Variants in CALCRL observed in about 807,000 individuals in gnomAD.
CALCRL encodes calcitonin receptor like receptor, also known as calcitonin gene-related peptide type 1 receptor.
A neutral mutation model predicts 60.4 loss-of-function variants in CALCRL; 27 were observed. The observed-to-expected ratio is 0.45, with a 90% confidence interval of 0.33 to 0.62. The LOEUF is 0.62. Among genes scored for constraint, CALCRL ranks in the 20% least tolerant of loss-of-function variants. CALCRL has a pLI of 0.03. For missense variants in CALCRL, 424 were observed against 540.7 expected (o/e 0.78, Z 2.14); for synonymous variants, 190 against 182.6 (o/e 1.04, Z -0.33).
chr2:187,418,768 C>A (rs1689730126), intron 1 of CALCRL, among the ~76,000 whole-genome samples: 1 of 151,140 alleles, frequency 6.6e-6, no homozygotes, highest in South Asian at 2.1e-4. Context: ...GAGATGTGTT[C>A]TTTATCTTTA....
Position 187,385,613 on chromosome 2 carries a change from A to G in CALCRL, c.-18T>C, listed in dbSNP as rs749180296. On this transcript the variant is annotated 5_prime_UTR_variant, in exon 4 of 15. Coordinates refer to ENST00000392370, the MANE Select transcript of CALCRL (RefSeq NM_005795.6). The stretch of plus-strand genomic sequence containing the variant: ...TTCTCCATCATTAAGCCAAAATGAA[A>G]TATGCTGTATAACATAAACTGCAAC... 1 of 1,537,600 alleles carries G rather than the reference A, an allele frequency of 6.5e-7. No individual in the cohort carries two copies. Among genetic ancestry groups the G allele is most frequent in the Non-Finnish European group, 8.9e-7 (1 of 1,125,030 alleles).
intron 14 of CALCRL, among the ~76,000 whole-genome samples, chr2:187,347,644 T>TACACAC (rs1344403914): frequency 6.6e-6 from 1 of 150,444 alleles, no homozygotes; most frequent in Admixed American, 6.7e-5. Context: ...CACACACACA[T>TACACAC]ACACACACAC....
chr2:187,420,206 A>G (rs1254190853), intron 1 of CALCRL, among the ~76,000 whole-genome samples: 3 of 152,186 alleles, frequency 2.0e-5, no homozygotes, highest in Non-Finnish European at 4.4e-5. Context: ...GCCAGTGAGT[A>G]TCTTTAAAAG....
intron 12 of CALCRL, among the ~76,000 whole-genome samples, chr2:187,358,817 C>A (rs1331346373): frequency 1.3e-5 from 2 of 152,124 alleles, no homozygotes; most frequent in African/African-American, 4.8e-5. Flanking sequence ...CTCTTCAGGT[C>A]TAGCTGTGAT....
At chr2:187,433,155 G>A (rs1488821124) in intron 1 of CALCRL, among the ~76,000 whole-genome samples, 1 of 151,980 alleles carries the variant, frequency 6.6e-6, no homozygotes, top group African/African-American at 2.4e-5. Flanking sequence ...GCCTTTATTG[G>A]CATACATATG....
rs1686159825 is a variant in CALCRL, at chr2:187,343,366, G to C, written c.*2818C>G. On this transcript the variant is annotated 3_prime_UTR_variant, in exon 15 of 15. Transcript: ENST00000392370. Reference sequence around the variant, plus strand: ...ATATACTCTAGGCATAACATAAATTGTTATAATTGATCAGAATATCTTGAA... The same window carrying C: ...ATATACTCTAGGCATAACATAAATTCTTATAATTGATCAGAATATCTTGAA... 1 of 151,682 alleles carries C rather than the reference G, an allele frequency of 6.6e-6. No individual in the cohort carries two copies. 9.4% of individuals were successfully genotyped at this position (151,682 alleles called of 1,614,324 possible).
At position 187,380,798 on chromosome 2, in the gene CALCRL, A is replaced by G. The variant is rs1010488082; in HGVS notation, c.185-11T>C. The G allele has an allele frequency of 1.8e-5, 29 of 1,596,778 alleles. No homozygotes were observed. Among genetic ancestry groups the G allele is most frequent in the Non-Finnish European group, 2.3e-5 (27 of 1,165,142 alleles). ...TGTTGCAGTAAACGCCTTAGTGGGG[A>G]AATAATAATTGGGGATAATTAAATC... On this transcript the variant is annotated splice_polypyrimidine_tract_variant and intron_variant, in intron 5 of 14. Transcript: ENST00000392370.
intron 8 of CALCRL, among the ~76,000 whole-genome samples, chr2:187,371,479 C>A (rs1687516452): frequency 1.3e-5 from 2 of 151,692 alleles, no homozygotes; most frequent in Admixed American, 6.6e-5. Flanking sequence ...TGCAGTATTG[C>A]CAGGTTTTAA....
At chr2:187,418,761 A>G (rs1370171946) in intron 1 of CALCRL, among the ~76,000 whole-genome samples, 1 of 151,742 alleles carries the variant, frequency 6.6e-6, no homozygotes, top group Non-Finnish European at 1.5e-5. Flanking sequence ...AGGTTCTGAG[A>G]TGTGTTCTTT....
At chr2:187,406,500 A>G (rs1166131693) in intron 1 of CALCRL, among the ~76,000 whole-genome samples, 1 of 152,080 alleles carries the variant, frequency 6.6e-6, no homozygotes, top group African/African-American at 2.4e-5. Context: ...AGTTGCTAAG[A>G]AAAAGGGAAA....
intron 1 of CALCRL, among the ~76,000 whole-genome samples, chr2:187,447,784 T>G (rs537734763): frequency 2.6e-5 from 4 of 152,122 alleles, no homozygotes; most frequent in Non-Finnish European, 5.9e-5. Context: ...GAAATATGTC[T>G]TTTAATCCAT....
chr2:187,403,660 A>T (rs1019105327), intron 1 of CALCRL, among the ~76,000 whole-genome samples: 3 of 151,900 alleles, frequency 2.0e-5, no homozygotes, highest in Admixed American at 6.6e-5. Context: ...TGGGTACAGA[A>T]GTGAGTGCAG....
chr2:187,370,554 G>T (rs1687475555), intron 8 of CALCRL, among the ~76,000 whole-genome samples: 1 of 152,032 alleles, frequency 6.6e-6, no homozygotes, highest in African/African-American at 2.4e-5. Context: ...AAATATATCT[G>T]TAGGAATAAA....
chr2:187,392,813 C>T (rs897582138), intron 1 of CALCRL, among the ~76,000 whole-genome samples: 4 of 152,060 alleles, frequency 2.6e-5, no homozygotes, highest in African/African-American at 9.7e-5. Flanking sequence ...AAGTAATCCT[C>T]TCACTTTGGT....
rs1686185730 is a variant in CALCRL at position 187,343,994 on chromosome 2, C to A, written c.*2190G>T. The A allele has an allele frequency of 6.6e-6, 1 of 150,860 alleles. No individual in the cohort carries two copies. The highest frequency in any genetic ancestry group is 1.5e-5 in the Non-Finnish European group (1 of 67,528). 9.3% of individuals were successfully genotyped at this position (150,860 alleles called of 1,614,324 possible). A position where few individuals can be genotyped will look rare whatever the true frequency, so the allele number is the denominator to read the frequency against. On this transcript the variant is annotated 3_prime_UTR_variant, in exon 15 of 15. Coordinates refer to ENST00000392370, the MANE Select transcript of CALCRL (RefSeq NM_005795.6). ...AATTACATGTTTATTTTAATATAATCTCTGATCATTCAACATTTTTTACTG... is the reference window on the plus strand; with the variant it reads ...AATTACATGTTTATTTTAATATAATATCTGATCATTCAACATTTTTTACTG...
chr2:187,433,249 G>A (rs939463889), intron 1 of CALCRL, among the ~76,000 whole-genome samples: 7 of 152,036 alleles, frequency 4.6e-5, no homozygotes, highest in African/African-American at 1.4e-4. Flanking sequence ...GAAATACTCA[G>A]AAGCATTATT....
rs749350339 is a variant in CALCRL at position 187,360,620 on chromosome 2, C to A, written c.759G>T (p.Met253Ile). Residue 253 changes from methionine to isoleucine, a missense_variant, in exon 10 of 15, where the codon ATG becomes ATT. Coordinates refer to ENST00000392370, the MANE Select transcript of CALCRL (RefSeq NM_005795.6). ...VAVFAEKQHL[M>I]WYYFLGWGFP... Reference sequence around the variant, plus strand: ...TACCCCAGCCAAGAAAATAATACCACATTAAATGTTGCTTCTCTGCAAACA... The same window carrying A: ...TACCCCAGCCAAGAAAATAATACCAAATTAAATGTTGCTTCTCTGCAAACA... 30 of 1,611,406 alleles carry A rather than the reference C, an allele frequency of 1.9e-5. No homozygotes were observed. Among genetic ancestry groups the A allele is most frequent in the Non-Finnish European group, 2.4e-5 (28 of 1,178,752 alleles).
intron 1 of CALCRL, among the ~76,000 whole-genome samples, chr2:187,423,158 T>C (rs962866460): frequency 6.6e-6 from 1 of 152,010 alleles, no homozygotes; most frequent in Non-Finnish European, 1.5e-5. Context: ...TAGAACATAA[T>C]AGAAAAATTG....
chr2:187,362,903 A>G (rs1411893269), intron 9 of CALCRL, among the ~76,000 whole-genome samples: 1 of 152,138 alleles, frequency 6.6e-6, no homozygotes, highest in African/African-American at 2.4e-5. Flanking sequence ...AGCCTGATAC[A>G]AAAAATATAA....
Sources: gnomAD v4.1 joint callset for allele counts (sites outside exome capture counted in the v4.1 genomes callset) on GRCh38, gnomAD v4.1.1 for gene constraint, MANE v1.5 for transcripts, NCBI Gene and HGNC (gene_info 2026-07-23, HGNC 2026-07-21) for gene names.